The following LRFN5 variants were observed in gnomAD, a reference collection of about 807,000 sequenced individuals.
The protein encoded by LRFN5 is leucine rich repeat and fibronectin type III domain containing 5, also known as leucine-rich repeat and fibronectin type-III domain-containing protein 5.
In LRFN5, 24 loss-of-function variants were observed where a neutral mutation model predicts 45.6. The ratio of observed to expected loss-of-function variants is 0.53; its 90% confidence interval spans 0.38 to 0.74. The LOEUF (loss-of-function observed/expected upper bound fraction) is 0.74, where lower values mean the gene tolerates loss of function less well. Ranked by LOEUF, LRFN5 falls within the 30% of genes least tolerant of loss-of-function variation. The probability of loss-of-function intolerance (pLI) is 0.00; values close to 1 mark genes in which losing one functional copy is unlikely to be tolerated. For missense variants in LRFN5, 776 were observed against 861.5 expected (o/e 0.90, Z 1.24); for synonymous variants, 340 against 313.8 (o/e 1.08, Z -0.88).
intron 1 of LRFN5, among the ~76,000 whole-genome samples, chr14:41,666,914 T>A (rs1490104525): frequency 1.3e-5 from 2 of 152,160 alleles, no homozygotes; most frequent in African/African-American, 4.8e-5. Flanking sequence ...GATTCACAAT[T>A]TATTTTTGAT....
intron 3 of LRFN5, among the ~76,000 whole-genome samples, chr14:41,890,576 G>T (rs568728378): frequency 6.6e-5 from 10 of 151,680 alleles, no homozygotes; most frequent in African/African-American, 2.4e-4. Context: ...GCGTGGTGGC[G>T]GGCGCCTGTA....
At chr14:41,739,685 G>T (rs1309819117) in intron 1 of LRFN5, among the ~76,000 whole-genome samples, 1 of 150,708 alleles carries the variant, frequency 6.6e-6, no homozygotes, top group Non-Finnish European at 1.5e-5. Context: ...AAGCACAAAC[G>T]TAGTGGAAGG....
chr14:41,890,372 A>G (rs894972922), intron 3 of LRFN5, among the ~76,000 whole-genome samples: 1 of 152,138 alleles, frequency 6.6e-6, no homozygotes. Context: ...AACGCAGTCC[A>G]AGTGTTGACT....
intron 1 of LRFN5, among the ~76,000 whole-genome samples, chr14:41,760,090 A>C (rs765200812): frequency 6.6e-6 from 1 of 152,282 alleles, no homozygotes; most frequent in Admixed American, 6.5e-5. Flanking sequence ...CCAATTTTAT[A>C]TGTATTTGTA....
chr14:41,699,082 G>A (rs1229498746), intron 1 of LRFN5, among the ~76,000 whole-genome samples: 2 of 152,080 alleles, frequency 1.3e-5, no homozygotes, highest in Non-Finnish European at 2.9e-5. Context: ...TGACAGACTT[G>A]TAGAATTTTT....
chr14:41,775,199 T>G (rs1437903431), intron 2 of LRFN5, among the ~76,000 whole-genome samples: 4 of 147,722 alleles, frequency 2.7e-5, no homozygotes, highest in Non-Finnish European at 5.9e-5. Flanking sequence ...CACGCCATTC[T>G]CCTGCCTCAG....
intron 1 of LRFN5, among the ~76,000 whole-genome samples, chr14:41,680,799 C>T (rs1303368815): frequency 6.6e-6 from 1 of 152,044 alleles, no homozygotes; most frequent in Non-Finnish European, 1.5e-5. Context: ...CCTGAAGAGA[C>T]ACAGATATGT....
chr14:41,749,583 G>A (rs1299620758), intron 1 of LRFN5, among the ~76,000 whole-genome samples: 9 of 152,018 alleles, frequency 5.9e-5, no homozygotes, highest in African/African-American at 2.2e-4. Flanking sequence ...ACCAAATACT[G>A]CACGCTCTCA....
chr14:41,648,650 A>T (rs1374632606), intron 1 of LRFN5, among the ~76,000 whole-genome samples: 2 of 152,112 alleles, frequency 1.3e-5, no homozygotes, highest in Non-Finnish European at 2.9e-5. Context: ...GGCATTAACA[A>T]ATCTCTTGCA....
intron 5 of LRFN5, among the ~76,000 whole-genome samples, chr14:41,901,979 A>T (rs926167606): frequency 5.3e-5 from 8 of 152,036 alleles, no homozygotes; most frequent in Non-Finnish European, 1.0e-4. Flanking sequence ...AACAAATTTT[A>T]AAAAAGGAGA....
intron 2 of LRFN5, among the ~76,000 whole-genome samples, chr14:41,784,211 TGAAG>T (rs1036910376): frequency 1.3e-5 from 2 of 152,150 alleles, no homozygotes; most frequent in African/African-American, 4.8e-5. Flanking sequence ...GTGAAGTGAA[TGAAG>T]GTAGTGATTT....
rs117096917 is a variant in LRFN5 at position 41,827,708 on chromosome 14, G to T, written c.-20-58898G>T. The stretch of plus-strand genomic sequence containing the variant: ...AATTAAAGCAAAATTAATTATATTT[G>T]AATAAGATTACTATATCTTTCCAAA... On this transcript the variant is annotated intron_variant, in intron 2 of 5. Transcript: ENST00000298119. 5.8e-3 allele frequency among the ~76,000 whole-genome samples: 888 copies of T among 152,002 alleles called. 11 individuals are homozygous for T. The highest frequency in any genetic ancestry group is 8.7e-3 in the Non-Finnish European group (589 of 67,862).
chr14:41,871,238 C>T (rs1220148523), intron 2 of LRFN5, among the ~76,000 whole-genome samples: 1 of 151,270 alleles, frequency 6.6e-6, no homozygotes, highest in African/African-American at 2.4e-5. Flanking sequence ...TAAAAATAAT[C>T]ATCAAATCAA....
At chr14:41,806,713 G>A (rs1032979162) in intron 2 of LRFN5, among the ~76,000 whole-genome samples, 3 of 152,012 alleles carry the variant, frequency 2.0e-5, no homozygotes, top group Non-Finnish European at 2.9e-5. Context: ...TGAATTCTGG[G>A]GATAATCCAG....
chr14:41,723,020 C>G (rs1019840750), intron 1 of LRFN5, among the ~76,000 whole-genome samples: 1 of 152,208 alleles, frequency 6.6e-6, no homozygotes, highest in African/African-American at 2.4e-5. Context: ...CCCAAGCTCT[C>G]TGCATAGTAG....
At chr14:41,902,248 A>C (rs1158662258) in intron 5 of LRFN5, among the ~76,000 whole-genome samples, 1 of 151,918 alleles carries the variant, frequency 6.6e-6, no homozygotes, top group African/African-American at 2.4e-5. Flanking sequence ...TTAAATGAGG[A>C]CAATAACCAA....
intron 1 of LRFN5, among the ~76,000 whole-genome samples, chr14:41,654,081 G>C (rs527884710): frequency 1.0e-3 from 153 of 152,124 alleles, no homozygotes; most frequent in African/African-American, 3.3e-3. Context: ...ATAGCATTAG[G>C]AGATATACCT....
Position 41,646,053 on chromosome 14 carries a change from T to C in LRFN5, c.-197+37491T>C, listed in dbSNP as rs919428213. Among the ~76,000 whole-genome samples the C allele has an allele frequency of 2.6e-5, 4 of 152,158 alleles. 1 individual carries two copies. Among genetic ancestry groups the C allele is most frequent in the East Asian group, 1.9e-4 (1 of 5,186 alleles). ...TACAGTGGTGTTTCAATATATATCA[T>C]GTATAGTGATCAGATCAGAGTAAGT... On this transcript the variant is annotated intron_variant, in intron 1 of 5. Transcript: ENST00000298119.
chr14:41,790,322 T>C (rs965132496), intron 2 of LRFN5, among the ~76,000 whole-genome samples: 1 of 151,580 alleles, frequency 6.6e-6, no homozygotes, highest in African/African-American at 2.4e-5. Context: ...TTGAGTCTTA[T>C]TTTTTTTCTT....
Sources: gnomAD v4.1 joint callset for allele counts (sites outside exome capture counted in the v4.1 genomes callset) on GRCh38, gnomAD v4.1.1 for gene constraint, MANE v1.5 for transcripts, NCBI Gene and HGNC (gene_info 2026-07-23, HGNC 2026-07-21) for gene names.